Variants in AKAP8 observed in about 807,000 individuals in gnomAD.
AKAP8 encodes the protein A-kinase anchor protein 8.
Under a neutral mutation model 67.5 loss-of-function variants are expected in AKAP8, and 24 were observed. That is an observed-to-expected ratio of 0.36 (90% CI 0.26 to 0.50). The LOEUF (loss-of-function observed/expected upper bound fraction) is 0.50. Ranked by LOEUF, AKAP8 falls within the 20% of genes least tolerant of loss-of-function variation. The pLI, the probability that AKAP8 is intolerant of heterozygous loss-of-function variation, is 0.97. For missense variants in AKAP8, 971 were observed against 955.9 expected, an observed-to-expected ratio of 1.02 and a Z score of -0.21; for synonymous variants, 400 against 371.1, an observed-to-expected ratio of 1.08 and a Z score of -0.90.
chr19:15,365,321 C>T (rs1272519762), intron 9 of AKAP8, among the ~76,000 whole-genome samples: 1 of 152,252 alleles, frequency 6.6e-6, no homozygotes, highest in East Asian at 1.9e-4. Flanking sequence ...AGACATGTCA[C>T]ATCAAATTCT....
At chr19:15,373,722 A>G in intron 4 of AKAP8, 64 bp downstream of exon 4, 5 of 1,523,026 alleles carry the variant, frequency 3.3e-6, no homozygotes, top group African/African-American at 1.4e-5. Context: ...GTGGGTGCCC[A>G]CTCCCATGCG....
rs373284625 is a variant in AKAP8 at position 15,362,383 on chromosome 19, C to CTT, written c.1161-133_1161-132insAA. 1,408 of 376,594 alleles carry CTT rather than the reference C, an allele frequency of 3.7e-3. 48 individuals carry two copies. The East Asian group carries it at 0.13, about 35-fold the overall frequency. The allele number at this position is 376,594 out of a possible 1,614,324, so 23.3% of individuals were successfully genotyped here. On this transcript the variant is annotated intron_variant, in intron 9 of 13. Transcript: ENST00000269701. Reference sequence around the variant, plus strand: ...GCTCTCCCCCTCCCCCTCTCCCTCTCCCCACGGTCTCCCTCTGATGCCGAG... The same window carrying CTT: ...GCTCTCCCCCTCCCCCTCTCCCTCTCTTCCCACGGTCTCCCTCTGATGCCGAG...
At chr19:15,371,403 CCA>C (rs1158945428) in intron 7 of AKAP8, among the ~76,000 whole-genome samples, 2 of 152,196 alleles carry the variant, frequency 1.3e-5, no homozygotes, top group African/African-American at 4.8e-5. Context: ...AGGCTTCAGC[CCA>C]CAGTCCCTGC....
chr19:15,355,071 C>T lies in AKAP8; in HGVS notation c.1923G>A (p.Lys641=), dbSNP rs2048268385. The T allele has an allele frequency of 1.9e-6, 3 of 1,614,092 alleles. No individual in the cohort carries two copies. Among genetic ancestry groups the T allele is most frequent in the South Asian group, 1.1e-5 (1 of 91,084 alleles). The change falls in exon 14 of 14, where the codon AAG becomes AAA. Residue 641 remains lysine (K), a synonymous_variant. Coordinates refer to ENST00000269701, the MANE Select transcript of AKAP8 (RefSeq NM_005858.4). The part of the protein sequence containing the change: ...CGTAHEKGVP[K]ARSEAAEAGN... ...CAGCCTCTGCAGCCTCACTTCTGGC[C>T]TTGGGGACGCCCTTCTCATGTGCCG...
Position 15,369,222 on chromosome 19 carries a change from G to T in AKAP8, c.1073-900C>A. 4 of 985,510 alleles carry T rather than the reference G, an allele frequency of 4.1e-6. No individual in the cohort carries two copies. The highest frequency in any genetic ancestry group is 4.8e-6 in the Non-Finnish European group (4 of 829,980). 61.0% of individuals were successfully genotyped at this position (985,510 alleles called of 1,614,324 possible). ...CAAAGTCATCCCGGGTAGGTAGCAG[G>T]ACCTGCGCGCAACAGACATGTCACC... On this transcript the variant is annotated intron_variant, in intron 8 of 13. Coordinates refer to ENST00000269701, the MANE Select transcript of AKAP8 (RefSeq NM_005858.4). This position sits in a 1 kb window ranked among gnomAD's most constrained non-coding sequence, Gnocchi z 4.6.
chr19:15,378,442 T>A (rs1020487569), intron 1 of AKAP8, among the ~76,000 whole-genome samples: 1 of 150,410 alleles, frequency 6.6e-6, no homozygotes, highest in East Asian at 2.0e-4. Context: ...GAAGAGGGGG[T>A]AAAAAAAACC....
At position 15,354,740 on chromosome 19, in the gene AKAP8, A is replaced by G; in HGVS notation, c.*175T>C. 1.5e-6 allele frequency: 1 copy of G among 685,496 alleles called. No individual in the cohort carries two copies. Among genetic ancestry groups the G allele is most frequent in the East Asian group, 2.7e-5 (1 of 36,708 alleles). 42.5% of individuals were successfully genotyped at this position (685,496 alleles called of 1,614,324 possible). ...TGAAACCTGGGCAAGAAGCCACACGACTGCATGAGACAAGCCGTGAGAGGC... is the reference window on the plus strand; with the variant it reads ...TGAAACCTGGGCAAGAAGCCACACGGCTGCATGAGACAAGCCGTGAGAGGC... On this transcript the variant is annotated 3_prime_UTR_variant, in exon 14 of 14. Coordinates refer to ENST00000269701, the MANE Select transcript of AKAP8 (RefSeq NM_005858.4).
At position 15,367,145 on chromosome 19, in the gene AKAP8, G is replaced by A. The variant is rs867078650; in HGVS notation, c.1160+1090C>T. 9.2e-5 allele frequency among the ~76,000 whole-genome samples: 14 copies of A among 152,302 alleles called. No homozygotes were observed. The South Asian group carries it at 1.2e-3, about 14-fold the overall frequency. On this transcript the variant is annotated intron_variant, in intron 9 of 13. Transcript: ENST00000269701. ...TGGTCTTGAACTCCCGGCCTCAAGC[G>A]ATCCGCCAGCTCAGCCTTCCAAAGT...
chr19:15,364,336 T>C (rs35179338), intron 9 of AKAP8, among the ~76,000 whole-genome samples: 9 of 150,074 alleles, frequency 6.0e-5, no homozygotes, highest in African/African-American at 2.2e-4. Flanking sequence ...TAAATTTTTG[T>C]ATTTTTATTT....
At chr19:15,368,121 A>T in intron 9 of AKAP8, 114 bp downstream of exon 9, 1 of 1,397,278 alleles carries the variant, frequency 7.2e-7, no homozygotes, top group Non-Finnish European at 9.8e-7. Context: ...TGGTTTGGCC[A>T]GAGGAGTCAG....
At chr19:15,363,612 A>T (rs1448585636) in intron 9 of AKAP8, among the ~76,000 whole-genome samples, 1 of 151,210 alleles carries the variant, frequency 6.6e-6, no homozygotes, top group African/African-American at 2.4e-5. Context: ...CCCTACTGGG[A>T]AGTGAGGAGC....
intron 9 of AKAP8, among the ~76,000 whole-genome samples, chr19:15,362,926 C>T (rs1421718433): frequency 7.8e-4 from 119 of 151,914 alleles, no homozygotes; most frequent in Non-Finnish European, 1.1e-3. Flanking sequence ...CGCCTCTTCC[C>T]GGCCGCCATC....
At chr19:15,372,734 A>G in intron 5 of AKAP8, 117 bp downstream of exon 5, 1 of 1,330,342 alleles carries the variant, frequency 7.5e-7, no homozygotes, top group Non-Finnish European at 9.8e-7. Flanking sequence ...ATTAACTAAA[A>G]GTCGAACTGC....
Position 15,360,986 on chromosome 19 carries a change from G to T in AKAP8, c.1397-8C>A. On this transcript the variant is annotated splice_polypyrimidine_tract_variant and splice_region_variant and intron_variant, in intron 11 of 13. Transcript: ENST00000269701. ...AGTGCTCCTGGCCAATCCCTGCCAG[G>T]AAACGCATGTCTTGTAGGATCTGGG... is the stretch of plus-strand genomic sequence containing the variant. The T allele has an allele frequency of 6.2e-7, 1 of 1,611,910 alleles. No individual in the cohort carries two copies.
chr19:15,373,869 G>C lies in AKAP8; in HGVS notation c.288C>G (p.Ile96Met). Reference sequence around the variant, plus strand: ...TGGACATCATGTCCAAACGCTGGTTGATCTTGGCAATGAGGGAGTCGGAAT... The same window carrying C: ...TGGACATCATGTCCAAACGCTGGTTCATCTTGGCAATGAGGGAGTCGGAAT... ...TDNSDSLIAK[I>M]NQRLDMMSKE... The change falls in exon 4 of 14, where the codon ATC becomes ATG. Residue 96 changes from isoleucine to methionine, a missense_variant. Ile to Met is a conservative substitution (Grantham distance 10, BLOSUM62 1). Around this residue, in one of 3 missense-constraint regions of AKAP8, gnomAD observed 763 missense variants for 745.4 expected, o/e 1.02. Coordinates refer to ENST00000269701, the MANE Select transcript of AKAP8 (RefSeq NM_005858.4). 1.2e-6 allele frequency: 2 copies of C among 1,613,210 alleles called. No individual in the cohort carries two copies. Among genetic ancestry groups the C allele is most frequent in the Non-Finnish European group, 8.5e-7 (1 of 1,179,944 alleles).
chr19:15,362,938 C>T (rs1349612277), intron 9 of AKAP8, among the ~76,000 whole-genome samples: 1 of 151,878 alleles, frequency 6.6e-6, no homozygotes, highest in Non-Finnish European at 1.5e-5. Flanking sequence ...GCCGCCATCA[C>T]ATCTGGGAAG....
At chr19:15,379,690 C>G (rs1207869767) in intron 1 of AKAP8, 23 bp downstream of exon 1, 2 of 1,606,878 alleles carry the variant, frequency 1.2e-6, no homozygotes, top group African/African-American at 2.7e-5. Flanking sequence ...CTCCCCGCTC[C>G]GCACCCAGCA....
At position 15,353,451 on chromosome 19, in the gene AKAP8, C is replaced by T. The variant is rs1017070048; in HGVS notation, c.*1464G>A. ...TAAGAGAACAAGCTTAAAAGGCATG[C>T]TCACCCTGCGATTAAGACGCATCTA... On this transcript the variant is annotated 3_prime_UTR_variant, in exon 14 of 14. Transcript: ENST00000269701. The T allele has an allele frequency of 4.6e-5, 7 of 151,058 alleles. No homozygotes were observed. The highest frequency in any genetic ancestry group is 1.5e-4 in the African/African-American group (6 of 40,988). 9.4% of individuals were successfully genotyped at this position (151,058 alleles called of 1,614,324 possible).
intron 1 of AKAP8, 140 bp downstream of exon 1, chr19:15,379,573 G>A: frequency 3.3e-6 from 3 of 916,694 alleles, no homozygotes; most frequent in Non-Finnish European, 4.6e-6. Context: ...GCGCGCGCGC[G>A]CCCTGGCCGC....
Sources: allele counts gnomAD v4.1 joint callset (sites outside exome capture counted in the v4.1 genomes callset), GRCh38; gene constraint gnomAD v4.1.1; regional missense constraint gnomAD v4.1.1; non-coding constraint Gnocchi (gnomAD v3.1); transcripts MANE v1.5; gene names NCBI Gene and HGNC (gene_info 2026-07-23, HGNC 2026-07-21).